PCDHGB3: variants seen among roughly 807,000 people sequenced by gnomAD.
PCDHGB3 encodes protocadherin gamma subfamily B, 3.
A neutral mutation model predicts 59.2 loss-of-function variants in PCDHGB3; 40 were observed. The observed-to-expected ratio is 0.68, with a 90% confidence interval of 0.52 to 0.88. The LOEUF is 0.88. PCDHGB3 is among the 40% of genes least tolerant of loss of function. The pLI, the probability that PCDHGB3 is intolerant of heterozygous loss-of-function variation, is 0.00. For synonymous variants in PCDHGB3, 581 were observed against 503.6 expected (o/e 1.15, Z -2.06); for missense variants, 1,309 against 1,187.9 (o/e 1.10, Z -1.50).
chr5:141,383,743 C>T (rs371173445), intron 1 of PCDHGB3: 56 of 1,613,920 alleles, frequency 3.5e-5, no homozygotes, highest in Non-Finnish European at 4.7e-5. Flanking sequence ...ATATTCTTTT[C>T]GGAAAATAAC....
chr5:141,370,737 A>T lies in PCDHGB3; in HGVS notation c.343A>T (p.Asn115Tyr). The T allele has an allele frequency of 1.2e-6, 2 of 1,613,928 alleles. No individual in the cohort carries two copies. The highest frequency in any genetic ancestry group is 1.7e-6 in the Non-Finnish European group (2 of 1,179,892). Reference sequence around the variant, plus strand: ...TGAAATGGTTGCTGAAAAGCCTTTAAACTTTTTTCATGTAACTGTGCTGAT... The same window carrying T: ...TGAAATGGTTGCTGAAAAGCCTTTATACTTTTTTCATGTAACTGTGCTGAT... ...EFEMVAEKPLNFFHVTVLIQD... is the reference protein window; with the variant it reads ...EFEMVAEKPLYFFHVTVLIQD... The change falls in exon 1 of 4, where the codon AAC becomes TAC. Residue 115 changes from asparagine (N) to tyrosine (Y), a missense_variant. Transcript: ENST00000576222.
At chr5:141,416,761 C>G (rs1371541017) in intron 1 of PCDHGB3, 2 of 152,140 alleles carry the variant, frequency 1.3e-5, no homozygotes, top group Non-Finnish European at 2.9e-5. Context: ...AGGTAGATCT[C>G]TTAATTTTAT....
chr5:141,394,865 G>T (rs2093117021), intron 1 of PCDHGB3: 1 of 1,613,816 alleles, frequency 6.2e-7, no homozygotes, highest in Non-Finnish European at 8.5e-7. Flanking sequence ...CGGTCGACCC[G>T]AACGATTCGA....
intron 3 of PCDHGB3, among the ~76,000 whole-genome samples, chr5:141,509,636 C>T (rs1199892148): frequency 6.6e-6 from 1 of 152,164 alleles, no homozygotes; most frequent in Non-Finnish European, 1.5e-5. Context: ...TGATGCTGAG[C>T]CAGGGCCAGA....
rs1298448753 is a variant in PCDHGB3 at position 141,486,417 on chromosome 5, G to A, written c.2416-8390G>A. 1 of 1,614,132 alleles carries A rather than the reference G, an allele frequency of 6.2e-7. No individual in the cohort carries two copies. Among genetic ancestry groups the A allele is most frequent in the Non-Finnish European group, 8.5e-7 (1 of 1,179,998 alleles). ...CTGGTGACTGCTGGACCCTTGGATC[G>A]AGAGGCCAAATCTAGCTATGACATC... On this transcript the variant is annotated intron_variant, in intron 1 of 3. Transcript: ENST00000576222. The surrounding 1 kb of genome is among the most constrained non-coding windows in gnomAD (Gnocchi z 5.0).
Position 141,417,931 on chromosome 5 carries a change from G to C in PCDHGB3, c.2415+45122G>C, listed in dbSNP as rs551432799. The C allele has an allele frequency of 6.2e-6, 10 of 1,611,500 alleles. No homozygotes were observed. In the South Asian group the frequency reaches 9.9e-5, roughly 16 times the overall value. On this transcript the variant is annotated intron_variant, in intron 1 of 3. Transcript: ENST00000576222. ...TACTATTTCCTTTGCTGCTGCCTTT[G>C]TTCTACCCCACGCTGTGTGAGCCGA...
At chr5:141,510,754 C>G (rs1407911674) in intron 3 of PCDHGB3, among the ~76,000 whole-genome samples, 193 bp from the exon 4 acceptor site, 3 of 152,168 alleles carry the variant, frequency 2.0e-5, no homozygotes, top group African/African-American at 7.2e-5. Flanking sequence ...GACTTTCTCA[C>G]TCCAGAGCCT....
Position 141,485,597 on chromosome 5 carries a change from A to G in PCDHGB3, c.2416-9210A>G. On this transcript the variant is annotated intron_variant, in intron 1 of 3. Coordinates refer to ENST00000576222, the MANE Select transcript of PCDHGB3 (RefSeq NM_018924.5). This position sits in a 1 kb window ranked among gnomAD's most constrained non-coding sequence, Gnocchi z 5.7. ...TCCGCGGCAGCAGCTGGACTTGGAA[A>G]TTGGGGAGGCAGCTCCTCCAGGACA... The G allele has an allele frequency of 6.2e-7, 1 of 1,612,468 alleles. No homozygotes were observed. The highest frequency in any genetic ancestry group is 8.5e-7 in the Non-Finnish European group (1 of 1,178,718).
chr5:141,468,599 G>C (rs1055715232), intron 1 of PCDHGB3: 7 of 152,236 alleles, frequency 4.6e-5, no homozygotes, highest in African/African-American at 1.4e-4. Flanking sequence ...GGGCGCGGTG[G>C]CTCACGCCTG....
At chr5:141,428,020 C>T (rs1443722620) in intron 1 of PCDHGB3, 1 of 1,605,408 alleles carries the variant, frequency 6.2e-7, no homozygotes, top group Admixed American at 1.7e-5. Context: ...GTGCCACGCG[C>T]CGCAGAGTCC....
At chr5:141,444,672 A>G (rs990955921) in intron 1 of PCDHGB3, among the ~76,000 whole-genome samples, 2 of 152,086 alleles carry the variant, frequency 1.3e-5, no homozygotes, top group Non-Finnish European at 2.9e-5. Flanking sequence ...ATTTTTTTCA[A>G]TACCATTTAT....
chr5:141,482,510 T>A (rs2099563292), intron 1 of PCDHGB3, among the ~76,000 whole-genome samples: 3 of 121,012 alleles, frequency 2.5e-5, no homozygotes, highest in African/African-American at 3.5e-5. Context: ...GTACCCAGAG[T>A]ACAGTATGAG....
rs933851148 is a variant in PCDHGB3, at chr5:141,372,817, T to C, written c.2415+8T>C. 1.3e-6 allele frequency: 2 copies of C among 1,572,230 alleles called. No homozygotes were observed. The highest frequency in any genetic ancestry group is 1.7e-6 in the Non-Finnish European group (2 of 1,158,470). ...TCAGGCAATTTGCAAAAGGTGAGTT[T>C]CTTCAAACCTTTCCTTCCATAAATA... On this transcript the variant is annotated splice_region_variant and intron_variant, in intron 1 of 3. Transcript: ENST00000576222.
At chr5:141,468,953 T>G (rs182999574) in intron 1 of PCDHGB3, among the ~76,000 whole-genome samples, 1,938 of 89,156 alleles carry the variant, frequency 0.022, 22 homozygotes, top group Non-Finnish European at 0.033. Flanking sequence ...AAACCTGTGG[T>G]TTTTTTTACC....
Position 141,491,402 on chromosome 5 carries a change from C to T in PCDHGB3, c.2416-3405C>T. 1 of 1,614,156 alleles carries T rather than the reference C, an allele frequency of 6.2e-7. No individual in the cohort carries two copies. Among genetic ancestry groups the T allele is most frequent in the Non-Finnish European group, 8.5e-7 (1 of 1,180,022 alleles). ...TCAGCGAAGTGCCTTCAGGGAAACG[C>T]AGACGGGGACGGGGGTGGAGGGCAG... On this transcript the variant is annotated intron_variant, in intron 1 of 3. Transcript: ENST00000576222. The surrounding 1 kb of genome is among the most constrained non-coding windows in gnomAD (Gnocchi z 6.9).
chr5:141,410,837 TTTTGTC>T, intron 1 of PCDHGB3: 3 of 501,732 alleles, frequency 6.0e-6, no homozygotes. Context: ...ACTGAAGATA[TTTTGTC>T]TTTGTCTTTT....
At chr5:141,403,945 A>C in intron 1 of PCDHGB3, 3 of 1,613,926 alleles carry the variant, frequency 1.9e-6, no homozygotes, top group Non-Finnish European at 2.5e-6. Flanking sequence ...AAGGGTGGAC[A>C]AAAGTGCTCA....
intron 1 of PCDHGB3, chr5:141,408,883 C>A: frequency 6.2e-7 from 1 of 1,613,462 alleles, no homozygotes; most frequent in Non-Finnish European, 8.5e-7. Flanking sequence ...CCACCGCTCA[C>A]ATAGAAATTT....
At chr5:141,391,312 T>C (rs2092346265) in intron 1 of PCDHGB3, 1 of 151,466 alleles carries the variant, frequency 6.6e-6, no homozygotes, top group African/African-American at 2.4e-5. Flanking sequence ...GATTCTTTTT[T>C]TTTTCTTTTT....
Sources: allele counts gnomAD v4.1 joint callset (sites outside exome capture counted in the v4.1 genomes callset), GRCh38; gene constraint gnomAD v4.1.1; non-coding constraint Gnocchi (gnomAD v3.1); transcripts MANE v1.5; gene names NCBI Gene and HGNC (gene_info 2026-07-23, HGNC 2026-07-21).